MST1R: variants seen among roughly 807,000 people sequenced by gnomAD.
MST1R encodes macrophage stimulating 1 receptor.
A neutral mutation model predicts 117.8 loss-of-function variants in MST1R; 99 were observed. The observed-to-expected ratio is 0.84, with a 90% CI of 0.71 to 0.99. The LOEUF (loss-of-function observed/expected upper bound fraction) is 0.99. MST1R is among the 50% of genes least tolerant of loss of function. The pLI, the probability that MST1R is intolerant of heterozygous loss-of-function variation, is 0.00. For missense variants in MST1R, 1,683 were observed against 1,840.2 expected, an observed-to-expected ratio of 0.91 and a Z score of 1.56; for synonymous variants, 734 against 765.3, an observed-to-expected ratio of 0.96 and a Z score of 0.68.
rs1308474634 is a variant in MST1R at position 49,896,233 on chromosome 3, C to G, written c.2611G>C (p.Val871Leu). The change falls in exon 10 of 20, where the codon GTT becomes CTT. Residue 871 changes from valine (V) to leucine (L), a missense_variant. Coordinates refer to ENST00000296474, the MANE Select transcript of MST1R (RefSeq NM_002447.4). The part of the protein sequence containing the change: ...PPPHPPSANL[V>L]PLKPEEHAIK... ...GCATGCTCCTCAGGCTTCAGTGGAA[C>G]TAGGTTGGCACTGGGTGGATGGGGT... 1.2e-6 allele frequency: 2 copies of G among 1,614,054 alleles called. No individual in the cohort carries two copies. Among genetic ancestry groups the G allele is most frequent in the African/African-American group, 2.7e-5 (2 of 74,914 alleles).
rs1215782855 is a variant in MST1R at position 49,890,544 on chromosome 3, C to A, written c.3751G>T (p.Val1251Leu). The A allele has an allele frequency of 1.2e-6, 2 of 1,614,054 alleles. No individual in the cohort carries two copies. The highest frequency in any genetic ancestry group is 1.7e-6 in the Non-Finnish European group (2 of 1,180,022). The change falls in exon 18 of 20, where the codon GTG (valine) becomes TTG (leucine). Residue 1251 changes from valine to leucine, a missense_variant. By Grantham distance (32) the Val-to-Leu change is conservative. Coordinates refer to ENST00000296474, the MANE Select transcript of MST1R (RefSeq NM_002447.4). ...VQQHRHARLP[V>L]KWMALESLQT... ...AGGCTCTCCAGCGCCATCCACTTCA[C>A]AGGTAGGCGAGCGTGGCGATGCTGT...
rs370285463 is a variant in MST1R, at chr3:49,899,022, T to C, written c.1420-27A>G. 5.5e-5 allele frequency: 89 copies of C among 1,613,932 alleles called. 1 individual carries two copies. The highest frequency in any genetic ancestry group is 6.9e-5 in the Non-Finnish European group (82 of 1,180,008). The stretch of plus-strand genomic sequence containing the variant: ...TAGGACAGGTCAGATGTGAGCAAAA[T>C]GGGGATGGAGACAAGGACCCAGGGC... On this transcript the variant is annotated intron_variant, in intron 2 of 19. Transcript: ENST00000296474.
chr3:49,890,250 G>A (rs1233846319), intron 18 of MST1R, among the ~76,000 whole-genome samples, 190 bp from the exon 19 acceptor site: 1 of 152,172 alleles, frequency 6.6e-6, no homozygotes, highest in African/African-American at 2.4e-5. Context: ...CCTACCCAGA[G>A]TTGGGGCTGG....
At chr3:49,897,485 T>TGGC in intron 6 of MST1R, 35 bp downstream of exon 6, 1 of 1,610,634 alleles carries the variant, frequency 6.2e-7, no homozygotes. Context: ...TACCATGCAC[T>TGGC]GGCCAAGGGC....
Position 49,895,550 on chromosome 3 carries a change from T to A in MST1R, c.2963-2A>T, listed in dbSNP as rs754213270. The A allele has an allele frequency of 2.4e-5, 39 of 1,613,962 alleles. No homozygotes were observed. The South Asian group carries it at 4.3e-4, about 18-fold the overall frequency. On this transcript the variant is annotated splice_acceptor_variant, in intron 12 of 19. Transcript: ENST00000296474. LOFTEE classifies it high-confidence loss of function. ...GGTCATTCAGGTTGGGAGGAAGAAC[T>A]GTGGAAAGAGAATCCTTGGTGGCTT...
chr3:49,895,805 G>C lies in MST1R; in HGVS notation c.2872C>G (p.Leu958Val), dbSNP rs910324914. The C allele has an allele frequency of 6.2e-7, 1 of 1,614,010 alleles. No individual in the cohort carries two copies. The highest frequency in any genetic ancestry group is 1.3e-5 in the African/African-American group (1 of 75,022). The change falls in exon 12 of 20, where the codon CTC becomes GTC. Residue 958 changes from leucine (L) to valine (V), a missense_variant. By Grantham distance (32) the Leu-to-Val change is conservative. Coordinates refer to ENST00000296474, the MANE Select transcript of MST1R (RefSeq NM_002447.4). The part of the protein sequence containing the change: ...PGPDGVPQST[L>V]LGILLPLLLL... ...AGCAAAGGCAGCAGGATACCAAGGAGCGTGCTCTGTGGGACCCCATCTGGC... is the reference window on the plus strand; with the variant it reads ...AGCAAAGGCAGCAGGATACCAAGGACCGTGCTCTGTGGGACCCCATCTGGC...
chr3:49,891,605 C>A (rs748115850), intron 15 of MST1R, 25 bp from the exon 16 acceptor site: 2 of 1,612,420 alleles, frequency 1.2e-6, no homozygotes, highest in Non-Finnish European at 1.7e-6. Context: ...AAGTCAGGCA[C>A]AGGGCAGGGC....
intron 1 of MST1R, 151 bp from the exon 2 acceptor site, chr3:49,899,414 A>T: frequency 2.6e-6 from 2 of 779,100 alleles, no homozygotes. Flanking sequence ...ACCATCCCAC[A>T]TTGCCCCCAC....
chr3:49,892,708 C>T (rs1157783136), intron 14 of MST1R, among the ~76,000 whole-genome samples: 1 of 147,160 alleles, frequency 6.8e-6, no homozygotes, highest in Non-Finnish European at 1.5e-5. Flanking sequence ...AATCCTAATA[C>T]TTTGGGATGC....
chr3:49,890,092 T>C, intron 18 of MST1R, 32 bp from the exon 19 acceptor site: 8 of 1,553,016 alleles, frequency 5.2e-6, no homozygotes, highest in Non-Finnish European at 6.1e-6. Context: ...GGGACTCAAC[T>C]CACCCCAAAT....
Position 49,895,104 on chromosome 3 carries a change from C to G in MST1R, c.3271+63G>C, listed in dbSNP as rs1180521299. 2.5e-6 allele frequency: 4 copies of G among 1,586,198 alleles called. No homozygotes were observed. In the African/African-American group the frequency reaches 5.4e-5, roughly 21 times the overall value. On this transcript the variant is annotated intron_variant, in intron 14 of 19. Transcript: ENST00000296474. The stretch of plus-strand genomic sequence containing the variant: ...GGGATTACAGGAGTGAGCCACCACG[C>G]CTGGCCTAGCCTATGTCATCTTGAG...
intron 19 of MST1R, among the ~76,000 whole-genome samples, chr3:49,889,077 A>G (rs2082239799): frequency 6.6e-6 from 1 of 152,192 alleles, no homozygotes; most frequent in Non-Finnish European, 1.5e-5. Context: ...TGTTGGTCTC[A>G]ATTTCAGAAA....
chr3:49,897,928 T>A, intron 5 of MST1R, 123 bp downstream of exon 5: 1 of 1,411,216 alleles, frequency 7.1e-7, no homozygotes, highest in Middle Eastern at 2.1e-4. Flanking sequence ...CAAAAAGCAG[T>A]CAGAACCACT....
At chr3:49,888,070 G>A (rs949325222) in intron 19 of MST1R, among the ~76,000 whole-genome samples, 9 of 152,152 alleles carry the variant, frequency 5.9e-5, no homozygotes, top group Admixed American at 3.9e-4. Flanking sequence ...GAGGTGGGCA[G>A]GTCACGAGGT....
chr3:49,891,432 A>G lies in MST1R; in HGVS notation c.3501T>C (p.Gly1167=). ...PHVLLPYMCH[G]DLLQFIRSPQ... Reference sequence around the variant, plus strand: ...GTGAGCGGATGAACTGGAGCAGGTCACCGTGGCACATATAGGGCAGCAGCA... The same window carrying G: ...GTGAGCGGATGAACTGGAGCAGGTCGCCGTGGCACATATAGGGCAGCAGCA... Residue 1167 remains glycine (G), a synonymous_variant, in exon 16 of 20, where the codon GGT becomes GGC. Transcript: ENST00000296474. 1.2e-6 allele frequency: 2 copies of G among 1,613,990 alleles called. No individual in the cohort carries two copies. The highest frequency in any genetic ancestry group is 1.7e-5 in the Admixed American group (1 of 60,026).
chr3:49,895,065 C>T (rs2082421370), intron 14 of MST1R, 102 bp downstream of exon 14: 1 of 1,261,438 alleles, frequency 7.9e-7, no homozygotes, highest in Non-Finnish European at 1.1e-6. Context: ...CCCGCCTCGG[C>T]CTCCCAAAGT....
rs764873666 is a variant in MST1R, at chr3:49,890,023, C to G, written c.3848G>C (p.Arg1283Pro). ...FGVLLWELLT[R>P]GAPPYRHIDP... is the part of the protein sequence containing the mutation. ...AATGTGGCGGTATGGTGGGGCACCCCGTGTCAGCAGTTCCCACAGCAGCAC... is the reference window on the plus strand; with the variant it reads ...AATGTGGCGGTATGGTGGGGCACCCGGTGTCAGCAGTTCCCACAGCAGCAC... Residue 1283 changes from arginine to proline, a missense_variant, in exon 19 of 20, where the codon CGG (arginine) becomes CCG (proline). Arg to Pro is a moderately radical substitution (Grantham distance 103). Coordinates refer to ENST00000296474, the MANE Select transcript of MST1R (RefSeq NM_002447.4). 6.2e-7 allele frequency: 1 copy of G among 1,612,698 alleles called. No homozygotes were observed. Among genetic ancestry groups the G allele is most frequent in the Non-Finnish European group, 8.5e-7 (1 of 1,179,290 alleles).
At position 49,896,074 on chromosome 3, in the gene MST1R, C is replaced by G. The variant is rs964859015; in HGVS notation, c.2683G>C (p.Gly895Arg). The G allele has an allele frequency of 6.2e-7, 1 of 1,611,650 alleles. No individual in the cohort carries two copies. Among genetic ancestry groups the G allele is most frequent in the African/African-American group, 1.3e-5 (1 of 74,984 alleles). Residue 895 changes from glycine (G) to arginine (R), a missense_variant, in exon 11 of 20, where the codon GGT becomes CGT. Coordinates refer to ENST00000296474, the MANE Select transcript of MST1R (RefSeq NM_002447.4). ...IGLGAVADCV[G>R]INVTVGGESC... is the part of the protein sequence containing the mutation. ...TCACCACCCACGGTCACGTTGATAC[C>G]CACACAGTCAGCCACAGCGCCCAGC...
chr3:49,900,791 C>T (rs1263524191), intron 1 of MST1R, among the ~76,000 whole-genome samples: 1 of 152,258 alleles, frequency 6.6e-6, no homozygotes, highest in South Asian at 2.1e-4. Context: ...GACCTTAGCT[C>T]TACGTTCCCA....
Sources: gnomAD v4.1 joint callset for allele counts (sites outside exome capture counted in the v4.1 genomes callset) on GRCh38, gnomAD v4.1.1 for gene constraint, MANE v1.5 for transcripts, NCBI Gene and HGNC (gene_info 2026-07-23, HGNC 2026-07-21) for gene names.